KIF25: variants seen among roughly 807,000 people sequenced by gnomAD.
KIF25 encodes the protein kinesin-like protein KIF25.
Under a neutral mutation model 32.9 loss-of-function variants are expected in KIF25, and 19 were observed. The ratio of observed to expected loss-of-function variants is 0.58; its 90% CI spans 0.40 to 0.85. KIF25 has a LOEUF of 0.85. Among genes scored for constraint, KIF25 ranks in the 40% least tolerant of loss-of-function variants. The pLI, the probability that KIF25 is intolerant of heterozygous loss-of-function variation, is 0.00. For missense variants in KIF25, 485 were observed against 507.0 expected, an observed-to-expected ratio of 0.96 and a Z score of 0.42; for synonymous variants, 225 against 213.7, an observed-to-expected ratio of 1.05 and a Z score of -0.46.
intron 3 of KIF25, among the ~76,000 whole-genome samples, chr6:168,003,307 A>G (rs1798531989): frequency 6.6e-6 from 1 of 152,212 alleles, no homozygotes; most frequent in Non-Finnish European, 1.5e-5. Flanking sequence ...AAAATAATAC[A>G]TAAAAAGTAA....
intron 4 of KIF25, among the ~76,000 whole-genome samples, chr6:168,011,826 T>G (rs1798651850): frequency 6.6e-6 from 1 of 152,216 alleles, no homozygotes. Flanking sequence ...ATTCACTTAA[T>G]GCTGTCCCAT....
chr6:168,000,499 A>C (rs910525853), intron 2 of KIF25, among the ~76,000 whole-genome samples: 31 of 16,582 alleles, frequency 1.9e-3, no homozygotes, highest in Admixed American at 4.5e-3. Flanking sequence ...ACCACACTTG[A>C]CCCTCCCCAC....
chr6:168,006,198 T>C (rs1042720196), intron 4 of KIF25, among the ~76,000 whole-genome samples: 1 of 152,010 alleles, frequency 6.6e-6, no homozygotes, highest in Non-Finnish European at 1.5e-5. Flanking sequence ...ATGGTGATTG[T>C]ATTCTATTTC....
At chr6:168,024,574 T>A (rs772235320) in intron 5 of KIF25, among the ~76,000 whole-genome samples, 3 of 151,836 alleles carry the variant, frequency 2.0e-5, no homozygotes, top group Non-Finnish European at 2.9e-5. Flanking sequence ...GCTTGGGAGA[T>A]CTTTACAATG....
intron 2 of KIF25, among the ~76,000 whole-genome samples, chr6:168,000,175 T>G (rs1351852624): frequency 3.0e-5 from 2 of 66,228 alleles, no homozygotes; most frequent in Admixed American, 1.8e-4. Context: ...CCCTCCCCAC[T>G]CCCATCCTGA....
At chr6:168,022,440 T>C (rs1393769558) in intron 5 of KIF25, among the ~76,000 whole-genome samples, 1 of 152,242 alleles carries the variant, frequency 6.6e-6, no homozygotes, top group Non-Finnish European at 1.5e-5. Flanking sequence ...TTTTTTATTT[T>C]TTAGTGACAG....
intron 8 of KIF25, among the ~76,000 whole-genome samples, chr6:168,035,370 G>C (rs965451725): frequency 7.3e-5 from 10 of 137,386 alleles, no homozygotes; most frequent in Non-Finnish European, 1.1e-4. Flanking sequence ...GTTTCCGTTT[G>C]GCTCTGGAAT....
At chr6:168,007,991 G>T (rs547302320) in intron 4 of KIF25, among the ~76,000 whole-genome samples, 1 of 152,160 alleles carries the variant, frequency 6.6e-6, no homozygotes, top group Non-Finnish European at 1.5e-5. Context: ...ATCTTAAATG[G>T]CCTGAGAGAG....
intron 2 of KIF25, among the ~76,000 whole-genome samples, 183 bp downstream of exon 2, chr6:167,999,503 C>A (rs1315727068): frequency 6.6e-6 from 1 of 152,250 alleles, no homozygotes. Flanking sequence ...CTCTGCAGCC[C>A]TCTGTAATAC....
chr6:168,001,250 G>A (rs1040145911), intron 2 of KIF25, among the ~76,000 whole-genome samples: 11 of 152,236 alleles, frequency 7.2e-5, no homozygotes, highest in African/African-American at 2.7e-4. Context: ...GACCGGTTCA[G>A]CAAGATAATC....
chr6:168,005,423 A>G (rs1562380196), intron 4 of KIF25, among the ~76,000 whole-genome samples: 1 of 152,194 alleles, frequency 6.6e-6, no homozygotes, highest in Non-Finnish European at 1.5e-5. Flanking sequence ...ACTGTGGACA[A>G]GCAACCAAAT....
Position 168,041,988 on chromosome 6 carries a change from C to T in KIF25, c.666C>T (p.Ala222=), listed in dbSNP as rs1799126618. The T allele has an allele frequency of 1.3e-6, 2 of 1,551,836 alleles. No homozygotes were observed. The highest frequency in any genetic ancestry group is 2.0e-5 in the Admixed American group (1 of 51,030). ...SDSTADQACS[A]TLPREQTEAG... is the part of the protein sequence containing the mutation. ...TTGCAGCAGACCAAGCCTGCAGTGC[C>T]ACCCTCCCCAGGGAGCAAACAGAGG... is the stretch of plus-strand genomic sequence containing the variant. The change falls in exon 11 of 13, where the codon GCC becomes GCT. Residue 222 remains alanine (A), a synonymous_variant. Coordinates refer to ENST00000643607, the MANE Select transcript of KIF25 (RefSeq NM_030615.4).
chr6:168,026,859 G>A (rs1274264237), intron 5 of KIF25, among the ~76,000 whole-genome samples: 2 of 152,192 alleles, frequency 1.3e-5, no homozygotes, highest in African/African-American at 4.8e-5. Context: ...TTGTAGAACA[G>A]GAATTTACAA....
chr6:168,037,876 C>A, intron 8 of KIF25, among the ~76,000 whole-genome samples: 1 of 152,132 alleles, frequency 6.6e-6, no homozygotes, highest in East Asian at 1.9e-4. Context: ...CCACCACGCC[C>A]AGCTAAGTTT....
chr6:168,005,327 G>A (rs1311875824), intron 4 of KIF25, among the ~76,000 whole-genome samples: 2 of 152,176 alleles, frequency 1.3e-5, no homozygotes, highest in Non-Finnish European at 2.9e-5. Context: ...TGAATGTGGG[G>A]TCTACCTGAC....
intron 5 of KIF25, among the ~76,000 whole-genome samples, chr6:168,028,744 TG>T (rs1798899893): frequency 6.6e-6 from 1 of 152,228 alleles, no homozygotes; most frequent in Non-Finnish European, 1.5e-5. Flanking sequence ...ACTTTTCACT[TG>T]TTTGAGTTTA....
At chr6:168,005,952 C>T (rs766223334) in intron 4 of KIF25, among the ~76,000 whole-genome samples, 2 of 152,202 alleles carry the variant, frequency 1.3e-5, no homozygotes, top group Non-Finnish European at 2.9e-5. Flanking sequence ...TCACAGACCC[C>T]ATCTACTGAC....
chr6:168,024,507 G>T (rs1372152074), intron 5 of KIF25, among the ~76,000 whole-genome samples: 1 of 144,784 alleles, frequency 6.9e-6, no homozygotes, highest in Non-Finnish European at 1.5e-5. Flanking sequence ...AAATGGGGTT[G>T]GCCTGACTCC....
chr6:168,011,449 G>A (rs980047397), intron 4 of KIF25, among the ~76,000 whole-genome samples: 1 of 152,142 alleles, frequency 6.6e-6, no homozygotes, highest in Non-Finnish European at 1.5e-5. Flanking sequence ...CATTTCTGAA[G>A]GATAGCTTTG....
Sources: gnomAD v4.1 joint callset for allele counts (sites outside exome capture counted in the v4.1 genomes callset) on GRCh38, gnomAD v4.1.1 for gene constraint, MANE v1.5 for transcripts, NCBI Gene and HGNC (gene_info 2026-07-23, HGNC 2026-07-21) for gene names.